PLEKHA5: variants seen among roughly 807,000 people sequenced by gnomAD.
PLEKHA5 encodes the protein pleckstrin homology domain-containing family A member 5.
In PLEKHA5, 55 loss-of-function variants were observed where a neutral mutation model predicts 181.9. The ratio of observed to expected loss-of-function variants is 0.30; its 90% CI spans 0.24 to 0.38. The LOEUF (loss-of-function observed/expected upper bound fraction) is 0.38. Ranked by LOEUF, PLEKHA5 falls within the 10% of genes least tolerant of loss-of-function variation. The pLI, the probability that PLEKHA5 is intolerant of heterozygous loss-of-function variation, is 1.00. For synonymous variants in PLEKHA5, 535 were observed against 529.4 expected (o/e 1.01, Z -0.15); for missense variants, 1,432 against 1,549.5 (o/e 0.92, Z 1.27).
At chr12:19,329,252 A>G (rs1384643444) in intron 20 of PLEKHA5, among the ~76,000 whole-genome samples, 3 of 152,046 alleles carry the variant, frequency 2.0e-5, no homozygotes, top group African/African-American at 7.2e-5. Flanking sequence ...TATCTTGTTG[A>G]GGATTTTTGC....
chr12:19,340,465 A>G (rs1449010699), intron 21 of PLEKHA5, among the ~76,000 whole-genome samples: 8 of 135,572 alleles, frequency 5.9e-5, no homozygotes, highest in South Asian at 2.6e-4. Context: ...TCAACAGCTC[A>G]TTGAGAACGG....
chr12:19,298,924 A>C (rs2080689600), intron 15 of PLEKHA5, among the ~76,000 whole-genome samples: 1 of 152,200 alleles, frequency 6.6e-6, no homozygotes, highest in Non-Finnish European at 1.5e-5. Context: ...AGGATAACAC[A>C]TAGAGAAAGT....
At chr12:19,271,602 A>G (rs572995713) in intron 10 of PLEKHA5, among the ~76,000 whole-genome samples, 1 of 152,376 alleles carries the variant, frequency 6.6e-6, no homozygotes, top group African/African-American at 2.4e-5. Context: ...TAAAATATTT[A>G]TGTCCAAATA....
At position 19,205,034 on chromosome 12, in the gene PLEKHA5, C is replaced by T. The variant is rs1370277635; in HGVS notation, c.228-48906C>T. ...GACATAGTTAATTCTATATTGAAAC[C>T]TAAGGACTTGTTATTTAATAAACTT... On this transcript the variant is annotated intron_variant, in intron 3 of 31. Transcript: ENST00000429027. Among the ~76,000 whole-genome samples, 11 of 152,124 alleles carry T rather than the reference C, an allele frequency of 7.2e-5. No individual in the cohort carries two copies. In the East Asian group the frequency reaches 1.9e-3, roughly 27 times the overall value.
chr12:19,228,034 T>A (rs535335411), intron 3 of PLEKHA5, among the ~76,000 whole-genome samples: 1 of 152,348 alleles, frequency 6.6e-6, no homozygotes, highest in Admixed American at 6.5e-5. Context: ...GTGCTTTTAA[T>A]TGTTGTGGTG....
chr12:19,144,276 TC>T (rs2038276551), intron 3 of PLEKHA5, among the ~76,000 whole-genome samples: 2 of 152,308 alleles, frequency 1.3e-5, no homozygotes, highest in South Asian at 4.1e-4. Flanking sequence ...ATTTCTAATT[TC>T]TCACTTTTCT....
At position 19,336,524 on chromosome 12, in the gene PLEKHA5, C is replaced by G; in HGVS notation, c.2458C>G (p.Arg820Gly). ...ELSRATAELE[R>G]AWREYDKLEY... The stretch of plus-strand genomic sequence containing the variant: ...CACTTTTTGGTTTTAGGAATTGGAA[C>G]GAGCATGGAGAGAATATGATAAGTT... Residue 820 changes from arginine to glycine, a missense_variant, in exon 21 of 32, where the codon CGA (arginine) becomes GGA (glycine). By Grantham distance (125) the Arg-to-Gly change is moderately radical. This residue lies in a region of PLEKHA5 where 1,143 missense variants were observed against 1,168.4 expected (regional missense o/e 0.98). Transcript: ENST00000429027. 6.3e-7 allele frequency: 1 copy of G among 1,589,838 alleles called. No homozygotes were observed. Among genetic ancestry groups the G allele is most frequent in the Non-Finnish European group, 8.6e-7 (1 of 1,162,364 alleles).
rs564003726 is a variant in PLEKHA5, at chr12:19,273,089, C to T, written c.846-1427C>T. 3.3e-5 allele frequency among the ~76,000 whole-genome samples: 5 copies of T among 151,758 alleles called. 1 individual carries two copies. The highest frequency in any genetic ancestry group is 7.2e-5 in the African/African-American group (3 of 41,410). Reference sequence around the variant, plus strand: ...GCCAGCTAATTTTTTTTTTATTTTTCGTAGAGACGGGGTCTCACCATTTTG... The same window carrying T: ...GCCAGCTAATTTTTTTTTTATTTTTTGTAGAGACGGGGTCTCACCATTTTG... On this transcript the variant is annotated intron_variant, in intron 10 of 31. Transcript: ENST00000429027.
chr12:19,170,906 A>G (rs1161415265), intron 3 of PLEKHA5, among the ~76,000 whole-genome samples: 7 of 152,206 alleles, frequency 4.6e-5, no homozygotes, highest in Non-Finnish European at 1.0e-4. Context: ...ATTAAACCAC[A>G]GTTGTAAAAC....
intron 3 of PLEKHA5, among the ~76,000 whole-genome samples, chr12:19,233,825 C>T (rs2060985652): frequency 6.6e-6 from 1 of 152,130 alleles, no homozygotes; most frequent in Non-Finnish European, 1.5e-5. Context: ...TTGTTCTTCA[C>T]CTATAGTATA....
chr12:19,365,770 A>C (rs1260674054), intron 29 of PLEKHA5, among the ~76,000 whole-genome samples, 194 bp from the exon 30 acceptor site: 1 of 152,226 alleles, frequency 6.6e-6, no homozygotes, highest in Non-Finnish European at 1.5e-5. Flanking sequence ...AAACCAAGTA[A>C]TTATTGAAAT....
At chr12:19,194,607 C>T (rs1210112193) in intron 3 of PLEKHA5, among the ~76,000 whole-genome samples, 2 of 152,158 alleles carry the variant, frequency 1.3e-5, no homozygotes, top group Admixed American at 6.6e-5. Context: ...AAATGCCCCT[C>T]ATTAGTATCC....
intron 3 of PLEKHA5, among the ~76,000 whole-genome samples, chr12:19,236,688 C>G (rs1317116367): frequency 6.6e-6 from 1 of 152,090 alleles, no homozygotes; most frequent in Non-Finnish European, 1.5e-5. Context: ...CTATTTGCAT[C>G]CATATATCTT....
At chr12:19,330,656 G>A (rs1205122097) in intron 20 of PLEKHA5, among the ~76,000 whole-genome samples, 1 of 152,056 alleles carries the variant, frequency 6.6e-6, no homozygotes, top group Non-Finnish European at 1.5e-5. Context: ...CATCCTGAAG[G>A]TAAAATGAAA....
intron 3 of PLEKHA5, among the ~76,000 whole-genome samples, chr12:19,205,751 G>C (rs1356482601): frequency 2.6e-5 from 4 of 151,986 alleles, no homozygotes; most frequent in Admixed American, 2.0e-4. Context: ...AGATACTTCA[G>C]GATTTGTTTT....
chr12:19,179,803 A>G (rs2048142517), intron 3 of PLEKHA5, among the ~76,000 whole-genome samples: 1 of 152,332 alleles, frequency 6.6e-6, no homozygotes, highest in African/African-American at 2.4e-5. Context: ...TTAGCCTCTC[A>G]TTTGTAAAGA....
At position 19,376,060 on chromosome 12, in the gene PLEKHA5, A is replaced by G. The variant is rs1378706196; in HGVS notation, c.*541A>G. 6 of 152,082 alleles carry G rather than the reference A, an allele frequency of 3.9e-5. No homozygotes were observed. Among genetic ancestry groups the G allele is most frequent in the Non-Finnish European group, 7.4e-5 (5 of 67,992 alleles). The allele number at this position is 152,082 out of a possible 1,614,324, so 9.4% of individuals were successfully genotyped here. The stretch of plus-strand genomic sequence containing the variant: ...AGTGAAGTATGTCCTGTTTTCTGCT[A>G]TAATTCTTTCTCGGTCAGATTGCAA... On this transcript the variant is annotated 3_prime_UTR_variant, in exon 32 of 32. Coordinates refer to ENST00000429027, the MANE Select transcript of PLEKHA5 (RefSeq NM_001256470.2).
chr12:19,340,862 C>G (rs1053993848), intron 21 of PLEKHA5, among the ~76,000 whole-genome samples: 17 of 149,568 alleles, frequency 1.1e-4, no homozygotes, highest in Admixed American at 6.7e-5. Flanking sequence ...GACCTTTGTT[C>G]ACTTATCTGC....
intron 3 of PLEKHA5, among the ~76,000 whole-genome samples, chr12:19,225,813 G>A (rs936588442): frequency 6.6e-6 from 1 of 152,128 alleles, no homozygotes. Context: ...TCTGAATGTA[G>A]ACTCACATTT....
Sources: gnomAD v4.1 joint callset for allele counts (sites outside exome capture counted in the v4.1 genomes callset) on GRCh38, gnomAD v4.1.1 for gene constraint, gnomAD v4.1.1 regional missense constraint, MANE v1.5 for transcripts, NCBI Gene and HGNC (gene_info 2026-07-23, HGNC 2026-07-21) for gene names.